FXYD4: variants seen among roughly 807,000 people sequenced by gnomAD.
FXYD4 encodes FXYD domain-containing ion transport regulator 4.
FXYD4 carries 14 observed loss-of-function variants against 18.3 expected under a neutral mutation model. The observed-to-expected ratio is 0.77, with a 90% CI of 0.51 to 1.20. The LOEUF (loss-of-function observed/expected upper bound fraction) is 1.20. Among genes scored for constraint, FXYD4 ranks in the 50% most tolerant of loss-of-function variants. The probability of loss-of-function intolerance (pLI) is 0.00; values close to 1 mark genes in which losing one functional copy is unlikely to be tolerated. For missense variants in FXYD4, 99 were observed against 106.1 expected, an observed-to-expected ratio of 0.93 and a Z score of 0.29; for synonymous variants, 40 against 40.5, an observed-to-expected ratio of 0.99 and a Z score of 0.04.
chr10:43,375,802 G>A, intron 7 of FXYD4, 68 bp downstream of exon 7: 1 of 1,514,136 alleles, frequency 6.6e-7, no homozygotes, highest in East Asian at 2.3e-5. Context: ...CTGACCTGGA[G>A]AGTGGACAGC....
chr10:43,374,709 G>A, intron 5 of FXYD4, 70 bp downstream of exon 5: 4 of 1,248,280 alleles, frequency 3.2e-6, no homozygotes, highest in Non-Finnish European at 4.7e-6. Flanking sequence ...ACAAGTTGGT[G>A]AGGGGTAGTG....
intron 3 of FXYD4, among the ~76,000 whole-genome samples, chr10:43,374,178 A>G (rs565603983): frequency 1.0e-3 from 152 of 152,274 alleles, no homozygotes; most frequent in African/African-American, 3.6e-3. Context: ...AGCCTGGGTG[A>G]CAGAGAGAGG....
chr10:43,375,854 A>G, intron 7 of FXYD4, 120 bp downstream of exon 7: 1 of 1,261,756 alleles, frequency 7.9e-7, no homozygotes, highest in Non-Finnish European at 1.2e-6. Flanking sequence ...TTTGTTATTC[A>G]GATAGTCAAC....
At chr10:43,374,048 T>A (rs1837838909) in intron 3 of FXYD4, among the ~76,000 whole-genome samples, 1 of 152,178 alleles carries the variant, frequency 6.6e-6, no homozygotes, top group Admixed American at 6.5e-5. Context: ...GCACAGCGGC[T>A]CAGGCCTGTA....
At position 43,375,726 on chromosome 10, in the gene FXYD4, G is replaced by A; in HGVS notation, c.204G>A (p.Lys68=). ...SGKCKCKSSQ[K]QHSPVPEKAI... ...AATGCAAATGCAAGAGCAGCCAGAA[G>A]CAGCACAGGTGAGCCTGACCCTATG... The change falls in exon 7 of 9, where the codon AAG becomes AAA. Residue 68 remains lysine (K), a synonymous_variant. Coordinates refer to ENST00000476166, the MANE Select transcript of FXYD4 (RefSeq NM_173160.3). 3 of 1,614,212 alleles carry A rather than the reference G, an allele frequency of 1.9e-6. No individual in the cohort carries two copies. The highest frequency in any genetic ancestry group is 2.5e-6 in the Non-Finnish European group (3 of 1,180,024).
rs866983676 is a variant in FXYD4, at chr10:43,371,972, G to A, written c.-279+275G>A. Among the ~76,000 whole-genome samples, 45 of 151,098 alleles carry A rather than the reference G, an allele frequency of 3.0e-4. No homozygotes were observed. In the Middle Eastern group the frequency reaches 0.01, roughly 34 times the overall value. ...GGTGAGGAGATCACCTGAGCCAAGA[G>A]AGTTCAAGGCTGCAGTGAGCCGAGA... is the stretch of plus-strand genomic sequence containing the variant. On this transcript the variant is annotated intron_variant, in intron 1 of 8. Coordinates refer to ENST00000476166, the MANE Select transcript of FXYD4 (RefSeq NM_173160.3).
chr10:43,374,658 A>G lies in FXYD4; in HGVS notation c.97+19A>G, dbSNP rs1446011297. 6.3e-7 allele frequency: 1 copy of G among 1,597,350 alleles called. No homozygotes were observed. Among genetic ancestry groups the G allele is most frequent in the Non-Finnish European group, 8.6e-7 (1 of 1,165,320 alleles). ...TACTATGGTAAGAGCTGATATTCCCACCCCCACCCTACCCTTGCCTATCCT... is the reference window on the plus strand; with the variant it reads ...TACTATGGTAAGAGCTGATATTCCCGCCCCCACCCTACCCTTGCCTATCCT... On this transcript the variant is annotated intron_variant, in intron 5 of 8. Transcript: ENST00000476166.
intron 3 of FXYD4, 82 bp from the exon 4 acceptor site, chr10:43,374,388 C>G (rs1837843041): frequency 7.2e-7 from 1 of 1,386,118 alleles, no homozygotes; most frequent in Admixed American, 1.7e-5. Context: ...CCCACAACCT[C>G]CGGGCTGGGG....
Position 43,372,774 on chromosome 10 carries a change from T to C in FXYD4, c.-233+2T>C, listed in dbSNP as rs1837823239. 6.6e-6 allele frequency: 1 copy of C among 152,164 alleles called. No homozygotes were observed. Among genetic ancestry groups the C allele is most frequent in the African/African-American group, 2.4e-5 (1 of 41,432 alleles). The allele number at this position is 152,164 out of a possible 1,614,324, so 9.4% of individuals were successfully genotyped here. A position where few individuals can be genotyped will look rare whatever the true frequency, so the allele number is the denominator to read the frequency against. On this transcript the variant is annotated splice_donor_variant, in intron 2 of 8. Transcript: ENST00000476166. LOFTEE classifies it low-confidence loss of function (5UTR_SPLICE). Reference sequence around the variant, plus strand: ...GGAACCTGCAGAGTCACACAGTTGGTAAGTTGCTAAGAAGGGACCCAGCCC... The same window carrying C: ...GGAACCTGCAGAGTCACACAGTTGGCAAGTTGCTAAGAAGGGACCCAGCCC...
At chr10:43,375,895 C>T in intron 7 of FXYD4, 137 bp from the exon 8 acceptor site, 2 of 1,220,294 alleles carry the variant, frequency 1.6e-6, no homozygotes, top group South Asian at 1.2e-5. Flanking sequence ...AAAGCTCTGA[C>T]CTCGGTATTG....
At chr10:43,374,744 A>G (rs1837848230) in intron 5 of FXYD4, 105 bp downstream of exon 5, 2 of 920,792 alleles carry the variant, frequency 2.2e-6, no homozygotes, top group Admixed American at 1.7e-5. Flanking sequence ...ACAAAGTGGG[A>G]TGGGGGATTA....
intron 6 of FXYD4, 31 bp downstream of exon 6, chr10:43,375,604 C>T (rs1190583641): frequency 6.2e-7 from 1 of 1,607,088 alleles, no homozygotes; most frequent in South Asian, 1.1e-5. Context: ...GGCTGGAGGA[C>T]AGGGTGGGGC....
At chr10:43,372,932 C>T (rs946473916) in intron 2 of FXYD4, among the ~76,000 whole-genome samples, 160 bp downstream of exon 2, 10 of 152,064 alleles carry the variant, frequency 6.6e-5, no homozygotes, top group East Asian at 1.9e-4. Context: ...AGGGGGCCTG[C>T]GCTCAAAGAC....
In FXYD4 at chr10:43,376,220, CTCCTCCCCTGGGAG is replaced by C; in HGVS notation, c.*55_*68del. The C allele has an allele frequency of 6.2e-7, 1 of 1,600,072 alleles. No individual in the cohort carries two copies. Among genetic ancestry groups the C allele is most frequent in the Non-Finnish European group, 8.6e-7 (1 of 1,169,036 alleles). ...GAAGCCTAACACTGGCCCCCAGCAC[CTCCTCCCCTGGGAG>C]GCCTTATCCTCAAGGAAGGACTTCT... On this transcript the variant is annotated 3_prime_UTR_variant, in exon 9 of 9. Coordinates refer to ENST00000476166, the MANE Select transcript of FXYD4 (RefSeq NM_173160.3).
intron 3 of FXYD4, among the ~76,000 whole-genome samples, chr10:43,374,191 CCGA>C (rs768840508): frequency 6.5e-4 from 99 of 152,232 alleles, no homozygotes; most frequent in Non-Finnish European, 1.1e-3. Context: ...GAGAGAGGTT[CCGA>C]CTCATAAAAA....
intron 3 of FXYD4, 136 bp downstream of exon 3, chr10:43,373,919 C>G: frequency 1.3e-6 from 1 of 754,888 alleles, no homozygotes. Context: ...TAGAGAGAAA[C>G]ATGAAGGAAA....
In FXYD4 at chr10:43,374,331, G is replaced by A; in HGVS notation, c.38-139G>A. 1.2e-5 allele frequency: 10 copies of A among 806,746 alleles called. No individual in the cohort carries two copies. In the South Asian group the frequency reaches 1.3e-4, roughly 10 times the overall value. 50.0% of individuals were successfully genotyped at this position (806,746 alleles called of 1,614,324 possible). On this transcript the variant is annotated intron_variant, in intron 3 of 8. Transcript: ENST00000476166. ...GCGGGGCCACACCCTGAGGCTGTGT[G>A]GGGCTGGGGAGGGCGTGAGGAAGGG...
chr10:43,372,221 T>TAACA, intron 1 of FXYD4, among the ~76,000 whole-genome samples: 1 of 152,180 alleles, frequency 6.6e-6, no homozygotes, highest in Non-Finnish European at 1.5e-5. Context: ...AAGCAGTGCC[T>TAACA]AACAGTCTCT....
rs1395531386 is a variant in FXYD4 at position 43,376,238 on chromosome 10, T to G, written c.*72T>G. 5.3e-6 allele frequency: 8 copies of G among 1,523,232 alleles called. No homozygotes were observed. The highest frequency in any genetic ancestry group is 7.3e-6 in the Non-Finnish European group (8 of 1,100,224). The allele number at this position is 1,523,232 out of a possible 1,614,324, so 94.4% of individuals were successfully genotyped here. ...CCAGCACCTCCTCCCCTGGGAGGCC[T>G]TATCCTCAAGGAAGGACTTCTCTCC... On this transcript the variant is annotated 3_prime_UTR_variant, in exon 9 of 9. Transcript: ENST00000476166.
Sources: gnomAD v4.1 joint callset for allele counts (sites outside exome capture counted in the v4.1 genomes callset) on GRCh38, gnomAD v4.1.1 for gene constraint, MANE v1.5 for transcripts, NCBI Gene and HGNC (gene_info 2026-07-23, HGNC 2026-07-21) for gene names.